NR1D1: variants seen among roughly 807,000 people sequenced by gnomAD.
The protein encoded by NR1D1 is nuclear receptor subfamily 1 group D member 1.
In NR1D1, 17 loss-of-function variants were observed where a neutral mutation model predicts 51.1. The ratio of observed to expected loss-of-function variants is 0.33; its 90% CI spans 0.23 to 0.50. The LOEUF (loss-of-function observed/expected upper bound fraction) is 0.50. NR1D1 is among the 20% of genes least tolerant of loss of function. The pLI is 0.98. For synonymous variants in NR1D1, 341 were observed against 333.4 expected, an observed-to-expected ratio of 1.02 and a Z score of -0.25; for missense variants, 647 against 830.4, an observed-to-expected ratio of 0.78 and a Z score of 2.71.
rs747889883 is a variant in NR1D1, at chr17:40,095,135, G to T, written c.1249-15C>A. ...ATAGGACATGCCTGGGGGAGGAAAA[G>T]ATTGAAGGAGGGGAGTGTCAGCCAG... is the stretch of plus-strand genomic sequence containing the variant. On this transcript the variant is annotated splice_polypyrimidine_tract_variant and intron_variant, in intron 5 of 7. Transcript: ENST00000246672. 1 of 1,597,540 alleles carries T rather than the reference G, an allele frequency of 6.3e-7. No individual in the cohort carries two copies. Among genetic ancestry groups the T allele is most frequent in the Admixed American group, 1.7e-5 (1 of 59,648 alleles).
chr17:40,094,890 C>CTT, intron 6 of NR1D1, 45 bp downstream of exon 6: 1 of 1,595,214 alleles, frequency 6.3e-7, no homozygotes, highest in Non-Finnish European at 8.6e-7. Flanking sequence ...AAGCGAAACT[C>CTT]TGTCTCAAAA....
chr17:40,096,658 C>T (rs780246379), intron 3 of NR1D1, 33 bp downstream of exon 3: 4 of 1,613,834 alleles, frequency 2.5e-6, no homozygotes, highest in South Asian at 2.2e-5. Flanking sequence ...GAGGGGGCCA[C>T]CTGCCCCTGC....
Position 40,093,707 on chromosome 17 carries a change from G to T in NR1D1, c.1645+205C>A. On this transcript the variant is annotated intron_variant, in intron 7 of 7. Coordinates refer to ENST00000246672, the MANE Select transcript of NR1D1 (RefSeq NM_021724.5). The surrounding 1 kb of genome is among the most constrained non-coding windows in gnomAD (Gnocchi z 5.9). Reference sequence around the variant, plus strand: ...AGAAATAGTTGTCTGTGCTTCCTTGGTTCATGCTTCTACTGTGACACTTAT... The same window carrying T: ...AGAAATAGTTGTCTGTGCTTCCTTGTTTCATGCTTCTACTGTGACACTTAT... The T allele has an allele frequency of 1.6e-6, 1 of 641,104 alleles. No individual in the cohort carries two copies. Among genetic ancestry groups the T allele is most frequent in the Non-Finnish European group, 2.7e-6 (1 of 374,014 alleles). 39.7% of individuals were successfully genotyped at this position (641,104 alleles called of 1,614,324 possible).
chr17:40,097,087 G>T lies in NR1D1; in HGVS notation c.348C>A (p.Ser116Arg), dbSNP rs200115358. The T allele has an allele frequency of 1.2e-6, 2 of 1,603,020 alleles. No individual in the cohort carries two copies. The highest frequency in any genetic ancestry group is 3.4e-5 in the Admixed American group (2 of 58,626). ...CACTGGTGATGTTGCTGGTGCTCTT[G>T]CTGGGGGACACTCGGCTGCTGTCCT... ...AMEDSSRVSP[S>R]KSTSNITKLN... Residue 116 changes from serine to arginine, a missense_variant, in exon 2 of 8, where the codon AGC (serine) becomes AGA (arginine). Ser to Arg is a moderately radical substitution (Grantham distance 110). Coordinates refer to ENST00000246672, the MANE Select transcript of NR1D1 (RefSeq NM_021724.5).
rs201933493 is a variant in NR1D1, at chr17:40,095,658, G to A, written c.1034C>T (p.Thr345Ile). The A allele has an allele frequency of 3.1e-6, 5 of 1,612,640 alleles. No homozygotes were observed. In the South Asian group the frequency reaches 3.3e-5, roughly 11 times the overall value. ...CTCGTTATGACGCTGGGCAGCCAAG[G>A]TGTTGTTGTCATTGGGGGCAGGTGG... ...GCPPAPNDNN[T>I]LAAQRHNEAL... Residue 345 changes from threonine to isoleucine, a missense_variant, in exon 5 of 8, where the codon ACC becomes ATC. By Grantham distance (89) the Thr-to-Ile change is moderately conservative. Around this residue, in one of 7 missense-constraint regions of NR1D1, gnomAD observed 185 missense variants for 176.3 expected, o/e 1.05. Coordinates refer to ENST00000246672, the MANE Select transcript of NR1D1 (RefSeq NM_021724.5).
At chr17:40,094,687 CAGG>C (rs1567659396) in intron 6 of NR1D1, among the ~76,000 whole-genome samples, 1 of 152,234 alleles carries the variant, frequency 6.6e-6, no homozygotes, top group South Asian at 2.1e-4. Context: ...CACCTGGGGT[CAGG>C]AGTTTGAGAC....
intron 1 of NR1D1, among the ~76,000 whole-genome samples, 187 bp from the exon 2 acceptor site, chr17:40,097,590 A>ACCT (rs1987790949): frequency 6.6e-6 from 1 of 152,122 alleles, no homozygotes; most frequent in African/African-American, 2.4e-5. Flanking sequence ...GCCAAGCAAC[A>ACCT]CCTACGACCC....
At chr17:40,098,081 T>C (rs934752949) in intron 1 of NR1D1, among the ~76,000 whole-genome samples, 5 of 152,348 alleles carry the variant, frequency 3.3e-5, no homozygotes, top group African/African-American at 1.2e-4. Flanking sequence ...CTGTCCAGCC[T>C]GGGGCTCTAA....
rs1192185541 is a variant in NR1D1, at chr17:40,097,381, G to A, written c.54C>T (p.Gly18=). 2.5e-6 allele frequency: 4 copies of A among 1,611,870 alleles called. No individual in the cohort carries two copies. The highest frequency in any genetic ancestry group is 3.4e-5 in the Admixed American group (2 of 59,478). Residue 18 remains glycine (G), a synonymous_variant, in exon 2 of 8, where the codon GGC becomes GGT. Transcript: ENST00000246672. The part of the protein sequence containing the change: ...NNTGGVITYI[G]SSGSSPSRTS... ...TGCGGCTTGGGGAGGAGCCACTGGA[G>A]CCAATGTAGGTGATGACGCCACCTG...
chr17:40,098,320 T>C (rs968018962), intron 1 of NR1D1, among the ~76,000 whole-genome samples: 1 of 152,220 alleles, frequency 6.6e-6, no homozygotes, highest in East Asian at 1.9e-4. Context: ...ACACATGCCA[T>C]GCCACTGTGT....
intron 1 of NR1D1, 84 bp downstream of exon 1, chr17:40,099,980 T>C: frequency 9.6e-7 from 1 of 1,037,336 alleles, no homozygotes; most frequent in Non-Finnish European, 1.5e-6. Flanking sequence ...CCCAGTCCCT[T>C]ACAAAGTTCC....
In NR1D1 at chr17:40,097,244, G is replaced by A. The variant is rs374973486; in HGVS notation, c.191C>T (p.Pro64Leu). The A allele has an allele frequency of 1.1e-5, 17 of 1,611,924 alleles. No individual in the cohort carries two copies. The highest frequency in any genetic ancestry group is 5.0e-5 in the Admixed American group (3 of 59,878). ...PSPTGSLTQD[P>L]ARSFGSIPPS... is the part of the protein sequence containing the mutation. ...TGGAATGCTCCCAAAGGAGCGAGCC[G>A]GGTCTTGGGTGAGGGAGCCAGTGGG... Residue 64 changes from proline (P) to leucine (L), a missense_variant, in exon 2 of 8, where the codon CCG (proline) becomes CTG (leucine). This residue lies in a region of NR1D1 where 98 missense variants were observed against 94.7 expected (regional missense o/e 1.03). Coordinates refer to ENST00000246672, the MANE Select transcript of NR1D1 (RefSeq NM_021724.5).
At chr17:40,099,156 C>G (rs1987824970) in intron 1 of NR1D1, among the ~76,000 whole-genome samples, 1 of 152,100 alleles carries the variant, frequency 6.6e-6, no homozygotes, top group Non-Finnish European at 1.5e-5. Context: ...GTGTGCCTCT[C>G]GCACGTGGCT....
rs983925474 is a variant in NR1D1 at position 40,095,871 on chromosome 17, G to A, written c.821C>T (p.Thr274Met). The A allele has an allele frequency of 1.9e-6, 3 of 1,613,762 alleles. No homozygotes were observed. The highest frequency in any genetic ancestry group is 2.5e-6 in the Non-Finnish European group (3 of 1,179,932). Residue 274 changes from threonine (T) to methionine (M), a missense_variant, in exon 5 of 8, where the codon ACG becomes ATG. Physicochemically the swap from Thr to Met is moderately conservative, Grantham distance 81. Coordinates refer to ENST00000246672, the MANE Select transcript of NR1D1 (RefSeq NM_021724.5). ...VGFSQFPQQLTPPRSPSPEPT... is the reference protein window; with the variant it reads ...VGFSQFPQQLMPPRSPSPEPT... ...CTCAGGGCTTGGGGATCTGGGAGGC[G>A]TCAGCTGTTGTGGAAACTGGGAGAA... is the stretch of plus-strand genomic sequence containing the variant.
At chr17:40,094,667 G>A (rs1224636876) in intron 6 of NR1D1, among the ~76,000 whole-genome samples, 2 of 152,250 alleles carry the variant, frequency 1.3e-5, no homozygotes, top group Admixed American at 6.5e-5. Context: ...GGAGTCCAAG[G>A]CGGGCAGATC....
Position 40,093,865 on chromosome 17 carries a change from G to T in NR1D1, c.1645+47C>A. ...TACTCCATAAAAGGTGTGTTGAATT[G>T]AACTGCGTCTGCCTCCTCCCCCGGG... On this transcript the variant is annotated intron_variant, in intron 7 of 7. Transcript: ENST00000246672. The surrounding 1 kb of genome is among the most constrained non-coding windows in gnomAD (Gnocchi z 5.9). 1 of 1,572,832 alleles carries T rather than the reference G, an allele frequency of 6.4e-7. No homozygotes were observed. The highest frequency in any genetic ancestry group is 1.1e-5 in the South Asian group (1 of 90,170).
chr17:40,097,668 C>A (rs559357157), intron 1 of NR1D1, among the ~76,000 whole-genome samples: 1 of 152,192 alleles, frequency 6.6e-6, no homozygotes, highest in South Asian at 2.1e-4. Flanking sequence ...CGCATATGTG[C>A]CCCCCTTCCT....
rs780097483 is a variant in NR1D1 at position 40,093,260 on chromosome 17, G to A, written c.1668C>T (p.Ser556=). ...TCTCCTGGAGCTGCTCCACCGAAGC[G>A]GAATTCTCCATGCCCGAGCGGTCTG... ...VSADRSGMEN[S]ASVEQLQETL... Residue 556 remains serine (S), a synonymous_variant, in exon 8 of 8, where the codon TCC becomes TCT. Coordinates refer to ENST00000246672, the MANE Select transcript of NR1D1 (RefSeq NM_021724.5). This position sits in a 1 kb window ranked among gnomAD's most constrained non-coding sequence, Gnocchi z 5.9. 50 of 1,613,630 alleles carry A rather than the reference G, an allele frequency of 3.1e-5. No homozygotes were observed. Among genetic ancestry groups the A allele is most frequent in the South Asian group, 2.5e-4 (23 of 91,092 alleles).
At position 40,093,455 on chromosome 17, in the gene NR1D1, G is replaced by A. The variant is rs1234898221; in HGVS notation, c.1646-173C>T. On this transcript the variant is annotated intron_variant, in intron 7 of 7. Coordinates refer to ENST00000246672, the MANE Select transcript of NR1D1 (RefSeq NM_021724.5). This position sits in a 1 kb window ranked among gnomAD's most constrained non-coding sequence, Gnocchi z 5.9. ...TCCCAGGCCTCTGCCCCAAGAGCAG[G>A]AGGTGCCTGAAAGCTGGGAGCGTGG... The A allele has an allele frequency of 4.6e-6, 7 of 1,509,326 alleles. No homozygotes were observed. The highest frequency in any genetic ancestry group is 1.3e-5 in the South Asian group (1 of 77,008). The allele number at this position is 1,509,326 out of a possible 1,614,324, so 93.5% of individuals were successfully genotyped here.
Sources: gnomAD v4.1 joint callset for allele counts (sites outside exome capture counted in the v4.1 genomes callset) on GRCh38, gnomAD v4.1.1 for gene constraint, gnomAD v4.1.1 regional missense constraint, Gnocchi (gnomAD v3.1) non-coding constraint, MANE v1.5 for transcripts, NCBI Gene and HGNC (gene_info 2026-07-23, HGNC 2026-07-21) for gene names.